The following TAFA1 variants were observed in gnomAD, a reference collection of about 807,000 sequenced individuals.
The protein encoded by TAFA1 is TAFA chemokine like family member 1.
Under a neutral mutation model 18.5 loss-of-function variants are expected in TAFA1, and 4 were observed. The observed-to-expected ratio is 0.22, with a 90% CI of 0.11 to 0.49. The LOEUF (loss-of-function observed/expected upper bound fraction) is 0.49. Among genes scored for constraint, TAFA1 ranks in the 20% least tolerant of loss-of-function variants. TAFA1 has a pLI of 0.98. For missense variants in TAFA1, 147 were observed against 169.0 expected, an observed-to-expected ratio of 0.87 and a Z score of 0.72; for synonymous variants, 56 against 55.2, an observed-to-expected ratio of 1.01 and a Z score of -0.06.
intron 2 of TAFA1, among the ~76,000 whole-genome samples, chr3:68,339,099 A>T (rs867219723): frequency 8.1e-4 from 123 of 152,238 alleles, no homozygotes; most frequent in African/African-American, 2.9e-3. Context: ...GCCAAAACCA[A>T]TATCAGTGTG....
rs545521085 is a variant in TAFA1 at position 68,419,099 on chromosome 3, A to C, written c.259+1679A>C. Among the ~76,000 whole-genome samples, 5 of 152,316 alleles carry C rather than the reference A, an allele frequency of 3.3e-5. No individual in the cohort carries two copies. The South Asian group carries it at 6.2e-4, about 19-fold the overall frequency. ...CTCTCAAAAAAAACTTGATGTCCTCACAACGTGGTAGCTGGCTTCCCTCAA... is the reference window on the plus strand; with the variant it reads ...CTCTCAAAAAAAACTTGATGTCCTCCCAACGTGGTAGCTGGCTTCCCTCAA... On this transcript the variant is annotated intron_variant, in intron 3 of 4. Transcript: ENST00000478136.
intron 2 of TAFA1, among the ~76,000 whole-genome samples, chr3:68,174,606 T>C (rs2066100216): frequency 6.6e-6 from 1 of 152,080 alleles, no homozygotes; most frequent in African/African-American, 2.4e-5. Flanking sequence ...AGAGAGATGA[T>C]TTAGTGTATC....
chr3:68,245,238 A>T (rs1359623409), intron 2 of TAFA1, among the ~76,000 whole-genome samples: 1 of 152,212 alleles, frequency 6.6e-6, no homozygotes. Context: ...TTGTCGTGCC[A>T]GTAGTTACGG....
chr3:68,270,206 C>G (rs2067636867), intron 2 of TAFA1, among the ~76,000 whole-genome samples: 1 of 152,196 alleles, frequency 6.6e-6, no homozygotes, highest in African/African-American at 2.4e-5. Flanking sequence ...GCTCCAGCTT[C>G]ATCACTTTCT....
intron 2 of TAFA1, among the ~76,000 whole-genome samples, chr3:68,279,769 G>C (rs2107253363): frequency 6.6e-6 from 1 of 152,220 alleles, no homozygotes; most frequent in Non-Finnish European, 1.5e-5. Flanking sequence ...GGCGTTCCCA[G>C]ATACTAGCTA....
intron 2 of TAFA1, among the ~76,000 whole-genome samples, chr3:68,341,679 G>A (rs557067031): frequency 2.6e-5 from 4 of 152,196 alleles, no homozygotes; most frequent in African/African-American, 4.8e-5. Context: ...TTCAGCCTCC[G>A]CCCAGGAATG....
intron 2 of TAFA1, among the ~76,000 whole-genome samples, chr3:68,018,602 T>C (rs954360275): frequency 4.6e-5 from 7 of 152,162 alleles, no homozygotes; most frequent in African/African-American, 1.7e-4. Flanking sequence ...CATCACAAGC[T>C]ATGTGAGGGT....
intron 3 of TAFA1, among the ~76,000 whole-genome samples, chr3:68,474,204 A>T (rs889021034): frequency 1.3e-5 from 2 of 152,172 alleles, no homozygotes; most frequent in Non-Finnish European, 2.9e-5. Context: ...TGAAACAAAA[A>T]TTGAGTAAAT....
chr3:68,290,890 C>A (rs1273925937), intron 2 of TAFA1, among the ~76,000 whole-genome samples: 1 of 138,252 alleles, frequency 7.2e-6, no homozygotes, highest in Non-Finnish European at 1.5e-5. Context: ...TGGATTTAAT[C>A]CTTTTCTTAA....
chr3:68,337,579 T>C (rs763096914), intron 2 of TAFA1, among the ~76,000 whole-genome samples: 11 of 152,216 alleles, frequency 7.2e-5, no homozygotes, highest in Non-Finnish European at 1.6e-4. Context: ...TATATACTCA[T>C]GTTATCACCA....
chr3:68,291,114 C>T (rs2068096854), intron 2 of TAFA1, among the ~76,000 whole-genome samples: 1 of 152,048 alleles, frequency 6.6e-6, no homozygotes. Flanking sequence ...AATGTTAGTT[C>T]TATGCACCTC....
intron 2 of TAFA1, among the ~76,000 whole-genome samples, chr3:68,236,962 G>C (rs1384117628): frequency 6.6e-6 from 1 of 152,152 alleles, no homozygotes; most frequent in Non-Finnish European, 1.5e-5. Context: ...TGAATTAGCT[G>C]TTCTAATGAA....
At chr3:68,384,641 G>A (rs566889204) in intron 2 of TAFA1, among the ~76,000 whole-genome samples, 2 of 152,042 alleles carry the variant, frequency 1.3e-5, no homozygotes, top group Non-Finnish European at 2.9e-5. Context: ...TATATATTCT[G>A]TTGTTTTGGG....
chr3:68,004,892 TA>T lies in TAFA1; in HGVS notation c.-4+196del, dbSNP rs1213825913. Among the ~76,000 whole-genome samples, 5 of 152,196 alleles carry T rather than the reference TA, an allele frequency of 3.3e-5. 1 individual carries two copies. Among genetic ancestry groups the T allele is most frequent in the African/African-American group, 9.6e-5 (4 of 41,520 alleles). ...AGGCTTGGAAGTAATGCTGAGAATT[TA>T]AAAAAGTTAAATTAAAAAAATATAT... On this transcript the variant is annotated intron_variant, in intron 1 of 4. Coordinates refer to ENST00000478136, the MANE Select transcript of TAFA1 (RefSeq NM_213609.4).
chr3:68,515,518 G>A (rs2072908353), intron 3 of TAFA1, among the ~76,000 whole-genome samples: 1 of 152,080 alleles, frequency 6.6e-6, no homozygotes, highest in African/African-American at 2.4e-5. Context: ...GCTCCCCAAA[G>A]GAAAATTAAA....
At chr3:68,412,424 C>T (rs536046998) in intron 2 of TAFA1, among the ~76,000 whole-genome samples, 7 of 151,808 alleles carry the variant, frequency 4.6e-5, no homozygotes, top group Admixed American at 1.3e-4. Context: ...ATGTGCACAA[C>T]GTGCAGGTTT....
intron 2 of TAFA1, among the ~76,000 whole-genome samples, chr3:68,388,350 A>G (rs953398977): frequency 6.6e-6 from 1 of 152,202 alleles, no homozygotes; most frequent in Admixed American, 6.5e-5. Context: ...ATAAAGCTCC[A>G]AAGCACATTA....
chr3:68,500,356 A>G (rs1412930994), intron 3 of TAFA1, among the ~76,000 whole-genome samples: 4 of 152,204 alleles, frequency 2.6e-5, no homozygotes, highest in African/African-American at 4.8e-5. Context: ...ATAAAATGAA[A>G]GGACATAAAA....
intron 2 of TAFA1, among the ~76,000 whole-genome samples, chr3:68,120,974 G>T (rs2065391660): frequency 6.6e-6 from 1 of 152,128 alleles, no homozygotes; most frequent in African/African-American, 2.4e-5. Context: ...CTTCATACAT[G>T]ACTTAGATGG....
Sources: allele counts gnomAD v4.1 joint callset (sites outside exome capture counted in the v4.1 genomes callset), GRCh38; gene constraint gnomAD v4.1.1; transcripts MANE v1.5; gene names NCBI Gene and HGNC (gene_info 2026-07-23, HGNC 2026-07-21).